Variants in DGLUCY observed in about 807,000 individuals in gnomAD.
DGLUCY encodes D-glutamate cyclase.
In DGLUCY, 58 loss-of-function variants were observed where a neutral mutation model predicts 58.5. The ratio of observed to expected loss-of-function variants is 0.99; its 90% confidence interval spans 0.80 to 1.23. DGLUCY has a LOEUF of 1.23. Among genes scored for constraint, DGLUCY ranks in the 50% most tolerant of loss-of-function variants. The pLI, the probability that DGLUCY is intolerant of heterozygous loss-of-function variation, is 0.00. For missense variants in DGLUCY, 779 were observed against 784.7 expected, an observed-to-expected ratio of 0.99 and a Z score of 0.09; for synonymous variants, 325 against 314.1, an observed-to-expected ratio of 1.03 and a Z score of -0.37.
At position 91,188,940 on chromosome 14, in the gene DGLUCY, A is replaced by G. The variant is rs946860765; in HGVS notation, c.965A>G (p.Lys322Arg). ...GNRGIGHLLC[K>R]DELLKASLSL... ...CGGGGGATTGGGCACCTGCTCTGTA[A>G]AGATGAGCTGCTGAAGGCCTCTCTC... is the stretch of plus-strand genomic sequence containing the variant. The change falls in exon 9 of 14, where the codon AAA (lysine) becomes AGA (arginine). Residue 322 changes from lysine (K) to arginine (R), a missense_variant. Physicochemically the swap from Lys to Arg is conservative, Grantham distance 26. Transcript: ENST00000256324. 6 of 1,614,182 alleles carry G rather than the reference A, an allele frequency of 3.7e-6. No homozygotes were observed. The highest frequency in any genetic ancestry group is 1.7e-6 in the Non-Finnish European group (2 of 1,180,018).
intron 1 of DGLUCY, among the ~76,000 whole-genome samples, chr14:91,086,030 A>G (rs754546335): frequency 1.3e-5 from 2 of 152,200 alleles, no homozygotes; most frequent in Non-Finnish European, 2.9e-5. Context: ...GCCTCCTGTC[A>G]GCCCCAGTGG....
At chr14:91,104,226 C>G (rs2140088667), upstream of DGLUCY, among the ~76,000 whole-genome samples, 4 of 151,766 alleles carry the variant, frequency 2.6e-5, no homozygotes, top group African/African-American at 9.7e-5. Context: ...CCACGCCCGG[C>G]TAATTTTTTG....
chr14:91,217,429 C>G (rs985555479), intron 13 of DGLUCY, among the ~76,000 whole-genome samples: 2 of 151,500 alleles, frequency 1.3e-5, no homozygotes, highest in South Asian at 4.2e-4. Context: ...TGGGCAGGCC[C>G]GATAGCCTCC....
intron 4 of DGLUCY, chr14:91,167,783 A>T (rs1209644260): frequency 6.2e-6 from 4 of 640,790 alleles, no homozygotes; most frequent in Admixed American, 2.4e-5. Flanking sequence ...CCTATCTAGT[A>T]AATGGCCCTA....
chr14:91,110,350 G>C (rs1220045806), upstream of DGLUCY, among the ~76,000 whole-genome samples: 4 of 151,968 alleles, frequency 2.6e-5, no homozygotes, highest in Non-Finnish European at 5.9e-5. Context: ...AAAAGCTAGG[G>C]CATGTTGCAA....
At chr14:91,129,469 C>T (rs2045910155) in intron 1 of DGLUCY, among the ~76,000 whole-genome samples, 1 of 151,882 alleles carries the variant, frequency 6.6e-6, no homozygotes, top group African/African-American at 2.4e-5. Context: ...GGTATGGTGA[C>T]TCATACCTGT....
chr14:91,097,788 T>C (rs1289040728), intron 1 of DGLUCY, among the ~76,000 whole-genome samples: 2 of 151,928 alleles, frequency 1.3e-5, no homozygotes, highest in Non-Finnish European at 2.9e-5. Context: ...ATTCTTCTGC[T>C]TCAGCCTCCC....
chr14:91,113,505 C>T (rs1026123639), upstream of DGLUCY, among the ~76,000 whole-genome samples: 6 of 152,124 alleles, frequency 3.9e-5, no homozygotes, highest in Admixed American at 3.9e-4. Context: ...TGCTTATTAT[C>T]TCAGTCAATC....
At position 91,188,926 on chromosome 14, in the gene DGLUCY, G is replaced by C; in HGVS notation, c.951G>C (p.Gly317=). 1.2e-6 allele frequency: 2 copies of C among 1,613,672 alleles called. No individual in the cohort carries two copies. Among genetic ancestry groups the C allele is most frequent in the Non-Finnish European group, 1.7e-6 (2 of 1,179,826 alleles). Residue 317 remains glycine (G), a synonymous_variant, in exon 9 of 14, where the codon GGG becomes GGC. Coordinates refer to ENST00000256324, the MANE Select transcript of DGLUCY (RefSeq NM_001102368.3). ...IGIDPGNRGI[G]HLLCKDELLK... ...TCATTTCAGGGAACCGGGGGATTGG[G>C]CACCTGCTCTGTAAAGATGAGCTGC... is the stretch of plus-strand genomic sequence containing the variant.
chr14:91,085,361 G>A (rs1287367532), intron 1 of DGLUCY, among the ~76,000 whole-genome samples: 1 of 151,932 alleles, frequency 6.6e-6, no homozygotes, highest in Non-Finnish European at 1.5e-5. Flanking sequence ...CTCTTCAAGG[G>A]CCAACTCAAA....
Position 91,148,290 on chromosome 14 carries a change from C to T in DGLUCY, c.-81-9349C>T, listed in dbSNP as rs184729884. Among the ~76,000 whole-genome samples, 6 of 151,798 alleles carry T rather than the reference C, an allele frequency of 4.0e-5. No homozygotes were observed. The East Asian group carries it at 1.2e-3, about 30-fold the overall frequency. On this transcript the variant is annotated intron_variant, in intron 1 of 13. Transcript: ENST00000256324. ...CTCCATCTCGGCTCACTGCAACCTC[C>T]ACCCCCAAGGCTCAAGCGATATTCC...
At position 91,175,965 on chromosome 14, in the gene DGLUCY, T is replaced by C. The variant is rs779723928; in HGVS notation, c.639T>C (p.Pro213=). 1.9e-6 allele frequency: 3 copies of C among 1,614,056 alleles called. No homozygotes were observed. The highest frequency in any genetic ancestry group is 1.7e-6 in the Non-Finnish European group (2 of 1,179,922). ...ELLGIKELSK[P]AYGDAMVCPP... Reference sequence around the variant, plus strand: ...TGGGAATCAAAGAGCTTTCCAAACCTGCCTACGGGGATGCCATGGTGTGTC... The same window carrying C: ...TGGGAATCAAAGAGCTTTCCAAACCCGCCTACGGGGATGCCATGGTGTGTC... The change falls in exon 7 of 14, where the codon CCT becomes CCC. Residue 213 remains proline, a synonymous_variant. Coordinates refer to ENST00000256324, the MANE Select transcript of DGLUCY (RefSeq NM_001102368.3).
intron 1 of DGLUCY, among the ~76,000 whole-genome samples, chr14:91,098,461 A>G (rs2044431744): frequency 6.6e-6 from 1 of 152,228 alleles, no homozygotes; most frequent in South Asian, 2.1e-4. Context: ...TGTCTCAAAA[A>G]TAAAAAATAA....
chr14:91,138,869 A>G (rs900714672), intron 1 of DGLUCY, among the ~76,000 whole-genome samples: 4 of 152,138 alleles, frequency 2.6e-5, no homozygotes, highest in Non-Finnish European at 5.9e-5. Context: ...AATCTAAGTT[A>G]TATTGGCCTT....
intron 1 of DGLUCY, among the ~76,000 whole-genome samples, chr14:91,138,623 T>G (rs1367913765): frequency 6.6e-6 from 1 of 152,138 alleles, no homozygotes; most frequent in Admixed American, 6.5e-5. Flanking sequence ...AAAGGAGATT[T>G]AAGCACCTCC....
intron 13 of DGLUCY, chr14:91,223,781 C>A: frequency 1.8e-6 from 2 of 1,138,344 alleles, no homozygotes; most frequent in Non-Finnish European, 2.3e-6. Context: ...AAGGACCCTG[C>A]TAAGTGCTTT....
chr14:91,118,566 G>C (rs1336284723), intron 1 of DGLUCY, among the ~76,000 whole-genome samples: 1 of 152,182 alleles, frequency 6.6e-6, no homozygotes, highest in Non-Finnish European at 1.5e-5. Flanking sequence ...GATAGAGTCA[G>C]GTTGGAATTT....
At chr14:91,212,168 A>C (rs1885781369) in intron 12 of DGLUCY, among the ~76,000 whole-genome samples, 1 of 152,166 alleles carries the variant, frequency 6.6e-6, no homozygotes, top group Non-Finnish European at 1.5e-5. Flanking sequence ...GATAAGCTGG[A>C]CTTCACTAAA....
intron 12 of DGLUCY, among the ~76,000 whole-genome samples, chr14:91,207,286 T>C (rs1034564400): frequency 4.7e-5 from 7 of 149,618 alleles, no homozygotes; most frequent in African/African-American, 1.7e-4. Context: ...AGCTTCAAGA[T>C]ATCTCAACAA....
Sources: allele counts gnomAD v4.1 joint callset (sites outside exome capture counted in the v4.1 genomes callset), GRCh38; gene constraint gnomAD v4.1.1; transcripts MANE v1.5; gene names NCBI Gene and HGNC (gene_info 2026-07-23, HGNC 2026-07-21).